Variants in ZFYVE28 observed in about 807,000 individuals in gnomAD.
ZFYVE28 encodes the protein zinc finger FYVE-type containing 28, also known as lateral signaling target protein 2 homolog.
In ZFYVE28, 40 loss-of-function variants were observed where a neutral mutation model predicts 82.1. The observed-to-expected ratio is 0.49, with a 90% CI of 0.38 to 0.63. ZFYVE28 has a LOEUF of 0.63. Ranked by LOEUF, ZFYVE28 falls within the 30% of genes least tolerant of loss-of-function variation. ZFYVE28 has a pLI of 0.00. For missense variants in ZFYVE28, 1,321 were observed against 1,242.1 expected (o/e 1.06, Z -0.96); for synonymous variants, 612 against 546.1 (o/e 1.12, Z -1.68).
At chr4:2,392,401 T>C (rs180900679) in intron 1 of ZFYVE28, among the ~76,000 whole-genome samples, 1 of 152,122 alleles carries the variant, frequency 6.6e-6, no homozygotes, top group African/African-American at 2.4e-5. Context: ...AGAACAAACA[T>C]GACAACTACA....
intron 8 of ZFYVE28, among the ~76,000 whole-genome samples, chr4:2,280,403 G>C (rs1331036840): frequency 6.6e-6 from 1 of 152,162 alleles, no homozygotes; most frequent in East Asian, 1.9e-4. Flanking sequence ...AGCTACTCTG[G>C]AAGCTGAGGT....
At chr4:2,291,537 T>C (rs1713699480) in intron 8 of ZFYVE28, among the ~76,000 whole-genome samples, 1 of 152,104 alleles carries the variant, frequency 6.6e-6, no homozygotes, top group Non-Finnish European at 1.5e-5. Flanking sequence ...GAGCAGGGAG[T>C]AGGGCCGGAA....
At chr4:2,299,752 AAAAT>A (rs1396683259) in intron 8 of ZFYVE28, among the ~76,000 whole-genome samples, 1 of 148,644 alleles carries the variant, frequency 6.7e-6, no homozygotes, top group East Asian at 2.0e-4. Context: ...AGTGGAAAAA[AAAAT>A]AAAACTGTTC....
intron 8 of ZFYVE28, among the ~76,000 whole-genome samples, chr4:2,276,448 C>T (rs1736454135): frequency 6.6e-6 from 1 of 152,194 alleles, no homozygotes; most frequent in Admixed American, 6.5e-5. Flanking sequence ...TCAGCTTCCA[C>T]TCGGTACCCC....
intron 2 of ZFYVE28, among the ~76,000 whole-genome samples, chr4:2,344,324 G>C (rs141492371): frequency 5.2e-4 from 79 of 152,326 alleles, no homozygotes; most frequent in African/African-American, 1.8e-3. Context: ...TGAGGGAGCA[G>C]TGACAGGAGC....
Position 2,275,981 on chromosome 4 carries a change from G to T in ZFYVE28, c.2052-1765C>A, listed in dbSNP as rs561495306. 2.0e-4 allele frequency among the ~76,000 whole-genome samples: 30 copies of T among 152,312 alleles called. No individual in the cohort carries two copies. The South Asian group carries it at 3.3e-3, about 17-fold the overall frequency. ...GCGGAGGCGAGCCAGCCACAGCCCC[G>T]CCAACGCGCACGAATCCCACGTGGC... On this transcript the variant is annotated intron_variant, in intron 8 of 12. Transcript: ENST00000290974.
At position 2,335,976 on chromosome 4, in the gene ZFYVE28, A is replaced by C. The variant is rs1435150772; in HGVS notation, c.612-182T>G. 6.6e-6 allele frequency among the ~76,000 whole-genome samples: 1 copy of C among 152,188 alleles called. No homozygotes were observed. Among genetic ancestry groups the C allele is most frequent in the Non-Finnish European group, 1.5e-5 (1 of 68,038 alleles). ...GTGCAAGGGGCTGGGACTGCAGGAA[A>C]AGGCCACACACTTCCCTAAATGCCC... On this transcript the variant is annotated intron_variant, in intron 5 of 12. Transcript: ENST00000290974. The surrounding 1 kb of genome is among the most constrained non-coding windows in gnomAD (Gnocchi z 5.8).
chr4:2,415,757 C>A (rs1026099619), intron 1 of ZFYVE28, among the ~76,000 whole-genome samples: 4 of 152,132 alleles, frequency 2.6e-5, no homozygotes, highest in African/African-American at 9.7e-5. Flanking sequence ...AATTCATAAT[C>A]CAAGGCAAGA....
At chr4:2,347,522 A>C (rs1194513648) in intron 2 of ZFYVE28, among the ~76,000 whole-genome samples, 1 of 152,226 alleles carries the variant, frequency 6.6e-6, no homozygotes, top group Non-Finnish European at 1.5e-5. Flanking sequence ...TGGGCCATGA[A>C]ACAAGCCTCA....
chr4:2,352,285 G>T (rs1292886096), intron 2 of ZFYVE28, among the ~76,000 whole-genome samples: 1 of 152,000 alleles, frequency 6.6e-6, no homozygotes, highest in African/African-American at 2.4e-5. Flanking sequence ...GCCTCCCCTG[G>T]GGGTGCTCAG....
rs559002126 is a variant in ZFYVE28 at position 2,334,017 on chromosome 4, G to A, written c.701+1688C>T. On this transcript the variant is annotated intron_variant, in intron 6 of 12. Coordinates refer to ENST00000290974, the MANE Select transcript of ZFYVE28 (RefSeq NM_020972.3). ...CCAAGCCACCTTGTCGCTGGCCACTGGGGACACCCTGCCCTCCAGCCCTGA... is the reference window on the plus strand; with the variant it reads ...CCAAGCCACCTTGTCGCTGGCCACTAGGGACACCCTGCCCTCCAGCCCTGA... Among the ~76,000 whole-genome samples, 250 of 152,260 alleles carry A rather than the reference G, an allele frequency of 1.6e-3. 1 individual carries two copies. The highest frequency in any genetic ancestry group is 5.6e-3 in the African/African-American group (231 of 41,542).
chr4:2,316,774 C>A (rs1190014863), intron 7 of ZFYVE28, among the ~76,000 whole-genome samples: 1 of 151,356 alleles, frequency 6.6e-6, no homozygotes, highest in East Asian at 1.9e-4. Flanking sequence ...CTCACTGCAA[C>A]CTCTGCCTCC....
Position 2,353,956 on chromosome 4 carries a change from C to A in ZFYVE28, c.157G>T (p.Val53Phe), listed in dbSNP as rs1355382849. 3 of 1,561,564 alleles carry A rather than the reference C, an allele frequency of 1.9e-6. No homozygotes were observed. The highest frequency in any genetic ancestry group is 2.6e-6 in the Non-Finnish European group (3 of 1,153,780). Residue 53 changes from valine (V) to phenylalanine (F), a missense_variant, in exon 2 of 13, where the codon GTC (valine) becomes TTC (phenylalanine). By Grantham distance (50) the Val-to-Phe change is conservative. Coordinates refer to ENST00000290974, the MANE Select transcript of ZFYVE28 (RefSeq NM_020972.3). ...RKDPQRCTLL[V>F]SQFRSCQDNV... ...ACCTGACAGGAGCGGAACTGGCTGA[C>A]CAGCAGCGTGCACCGCTGGGGGTCC...
chr4:2,271,929 C>A (rs1302842939), intron 10 of ZFYVE28, 150 bp from the exon 11 acceptor site: 7 of 695,518 alleles, frequency 1.0e-5, no homozygotes, highest in African/African-American at 1.8e-5. Flanking sequence ...GGCACCACAG[C>A]AGGTTGGGCG....
chr4:2,308,679 G>GA (rs1560182445), intron 7 of ZFYVE28, among the ~76,000 whole-genome samples: 3 of 32,844 alleles, frequency 9.1e-5, no homozygotes, highest in African/African-American at 4.4e-4. Context: ...GAAAGAAAGA[G>GA]AAAGAAAGAA....
chr4:2,364,920 C>T (rs991814920), intron 1 of ZFYVE28: 1 of 985,046 alleles, frequency 1.0e-6, no homozygotes, highest in Non-Finnish European at 1.2e-6. Context: ...ACAGTGGAGG[C>T]GGGGGCGGGG....
intron 5 of ZFYVE28, 67 bp downstream of exon 5, chr4:2,337,340 C>G: frequency 1.4e-6 from 2 of 1,438,174 alleles, no homozygotes; most frequent in Non-Finnish European, 1.9e-6. Flanking sequence ...GCCCTCTGCC[C>G]CGGGCCTGGA....
At chr4:2,317,167 T>C (rs1318082019) in intron 7 of ZFYVE28, among the ~76,000 whole-genome samples, 1 of 151,882 alleles carries the variant, frequency 6.6e-6, no homozygotes, top group Non-Finnish European at 1.5e-5. Context: ...TTTTGTATTC[T>C]TGTAGAGATG....
intron 8 of ZFYVE28, among the ~76,000 whole-genome samples, chr4:2,283,701 T>C (rs967725909): frequency 1.3e-5 from 2 of 152,198 alleles, no homozygotes; most frequent in African/African-American, 4.8e-5. Context: ...CAGAGATCAA[T>C]AGGTGAACAG....
Sources: gnomAD v4.1 joint callset for allele counts (sites outside exome capture counted in the v4.1 genomes callset) on GRCh38, gnomAD v4.1.1 for gene constraint, Gnocchi (gnomAD v3.1) non-coding constraint, MANE v1.5 for transcripts, NCBI Gene and HGNC (gene_info 2026-07-23, HGNC 2026-07-21) for gene names.